GRIK1: variants seen among roughly 807,000 people sequenced by gnomAD.
GRIK1 encodes glutamate receptor ionotropic, kainate 1.
GRIK1 carries 69 observed loss-of-function variants against 105.7 expected under a neutral mutation model. That is an observed-to-expected ratio of 0.65 (90% CI 0.54 to 0.80). The LOEUF (loss-of-function observed/expected upper bound fraction) is 0.80. GRIK1 is among the 30% of genes least tolerant of loss of function. GRIK1 has a pLI of 0.00. For synonymous variants in GRIK1, 438 were observed against 431.3 expected (o/e 1.02, Z -0.19); for missense variants, 1,109 against 1,167.3 (o/e 0.95, Z 0.73).
intron 16 of GRIK1, among the ~76,000 whole-genome samples, chr21:29,554,827 T>C (rs771775745): frequency 6.6e-6 from 1 of 152,218 alleles, no homozygotes; most frequent in African/African-American, 2.4e-5. Context: ...ATAATGCTAA[T>C]TGGATTTAGT....
chr21:29,629,865 AT>A (rs1328952806), intron 7 of GRIK1, among the ~76,000 whole-genome samples: 1 of 152,186 alleles, frequency 6.6e-6, no homozygotes, highest in Non-Finnish European at 1.5e-5. Flanking sequence ...GAAATAATAA[AT>A]TGCCGAGGGG....
At chr21:29,564,302 T>G (rs1291255588) in intron 14 of GRIK1, among the ~76,000 whole-genome samples, 1 of 151,856 alleles carries the variant, frequency 6.6e-6, no homozygotes, top group Non-Finnish European at 1.5e-5. Flanking sequence ...CGCCCGCCAC[T>G]ACACCCGGCT....
intron 1 of GRIK1, among the ~76,000 whole-genome samples, chr21:29,817,307 T>A (rs2067180518): frequency 2.0e-5 from 3 of 151,978 alleles, no homozygotes; most frequent in Non-Finnish European, 2.9e-5. Context: ...GAGTGAAAAA[T>A]TATAGATATT....
intron 5 of GRIK1, 137 bp from the exon 6 acceptor site, chr21:29,651,428 T>C: frequency 1.7e-6 from 1 of 604,312 alleles, no homozygotes. Flanking sequence ...TGGTTTCAGT[T>C]ACCTGCGGTC....
In GRIK1 at chr21:29,904,746, G is replaced by A. The variant is rs79267934; in HGVS notation, c.118+34637C>T. On this transcript the variant is annotated intron_variant, in intron 1 of 17. Coordinates refer to ENST00000327783, the MANE Select transcript of GRIK1 (RefSeq NM_001330994.2). ...AGCTATGGAAAGCACCCTACCAAGG[G>A]CTGGAACCAGGAAGTGTTGACCTGA... is the stretch of plus-strand genomic sequence containing the variant. Among the ~76,000 whole-genome samples the A allele has an allele frequency of 1.3e-3, 193 of 152,276 alleles. 4 individuals carry two copies. The East Asian group carries it at 0.037, about 29-fold the overall frequency.
intron 1 of GRIK1, among the ~76,000 whole-genome samples, chr21:29,874,393 G>C (rs2069121533): frequency 6.6e-6 from 1 of 152,148 alleles, no homozygotes; most frequent in South Asian, 2.1e-4. Context: ...TGACTTCCTT[G>C]TTACCTAGGG....
chr21:29,724,711 A>G (rs1435752798), intron 1 of GRIK1, among the ~76,000 whole-genome samples: 1 of 152,198 alleles, frequency 6.6e-6, no homozygotes, highest in African/African-American at 2.4e-5. Flanking sequence ...AGTGGTGTGG[A>G]ACAATTTGAT....
chr21:29,778,230 A>T (rs79371042), intron 1 of GRIK1, among the ~76,000 whole-genome samples: 2 of 152,180 alleles, frequency 1.3e-5, no homozygotes, highest in Non-Finnish European at 2.9e-5. Flanking sequence ...TTTGTGTTAT[A>T]TGCTCTTAAT....
At chr21:29,773,449 C>T (rs1434812479) in intron 1 of GRIK1, among the ~76,000 whole-genome samples, 1 of 152,170 alleles carries the variant, frequency 6.6e-6, no homozygotes, top group Non-Finnish European at 1.5e-5. Context: ...TGCTTGTCTA[C>T]TGGAGCCATG....
intron 1 of GRIK1, among the ~76,000 whole-genome samples, chr21:29,876,959 A>G (rs564755677): frequency 1.3e-4 from 20 of 152,206 alleles, no homozygotes; most frequent in Non-Finnish European, 2.5e-4. Context: ...AAGGATGTAA[A>G]TAAAATGAGT....
At position 29,629,774 on chromosome 21, in the gene GRIK1, C is replaced by T. The variant is rs184726488; in HGVS notation, c.1098+13052G>A. ...AAAGTGCTGGGATTACAGGCGTGAG[C>T]CACCGCGCCTGGCCAATTTTCTCAC... On this transcript the variant is annotated intron_variant, in intron 7 of 17. Coordinates refer to ENST00000327783, the MANE Select transcript of GRIK1 (RefSeq NM_001330994.2). Among the ~76,000 whole-genome samples the T allele has an allele frequency of 2.6e-5, 4 of 152,264 alleles. No homozygotes were observed. In the East Asian group the frequency reaches 5.8e-4, roughly 22 times the overall value.
chr21:29,732,097 G>C (rs1251451063), intron 1 of GRIK1, among the ~76,000 whole-genome samples: 1 of 152,140 alleles, frequency 6.6e-6, no homozygotes, highest in Non-Finnish European at 1.5e-5. Flanking sequence ...CACTTTCCAT[G>C]AACTCTTTGA....
chr21:29,775,942 T>A (rs2065933067), intron 1 of GRIK1, among the ~76,000 whole-genome samples: 1 of 152,182 alleles, frequency 6.6e-6, no homozygotes, highest in Non-Finnish European at 1.5e-5. Flanking sequence ...AGGAAAGATG[T>A]TTAATTGACT....
chr21:29,608,521 C>G (rs1028830914), intron 7 of GRIK1, among the ~76,000 whole-genome samples: 1 of 151,984 alleles, frequency 6.6e-6, no homozygotes, highest in African/African-American at 2.4e-5. Context: ...TTTTTTCTGC[C>G]AAATACTGCA....
intron 9 of GRIK1, among the ~76,000 whole-genome samples, chr21:29,594,071 G>A (rs1015556810): frequency 1.3e-5 from 2 of 152,168 alleles, no homozygotes; most frequent in South Asian, 4.1e-4. Flanking sequence ...TAGACTAGAA[G>A]AGTATCAAAA....
chr21:29,571,065 A>T (rs2090735103), intron 14 of GRIK1, among the ~76,000 whole-genome samples: 1 of 152,154 alleles, frequency 6.6e-6, no homozygotes, highest in South Asian at 2.1e-4. Context: ...TGTTTAAAAA[A>T]TTTCCACTGG....
chr21:29,864,007 G>A (rs1163714580), intron 1 of GRIK1, among the ~76,000 whole-genome samples: 2 of 151,854 alleles, frequency 1.3e-5, no homozygotes, highest in Non-Finnish European at 2.9e-5. Flanking sequence ...CTGCCATATC[G>A]TGAAACCTCC....
intron 12 of GRIK1, among the ~76,000 whole-genome samples, chr21:29,582,137 T>G (rs956784677): frequency 2.6e-5 from 4 of 152,178 alleles, no homozygotes; most frequent in African/African-American, 9.7e-5. Flanking sequence ...TATTAGATGT[T>G]TTTCGAATAG....
At chr21:29,726,745 A>G (rs1054096269) in intron 1 of GRIK1, among the ~76,000 whole-genome samples, 3 of 151,806 alleles carry the variant, frequency 2.0e-5, no homozygotes, top group Admixed American at 6.6e-5. Context: ...ATGTACAAAC[A>G]TTTAAATTAT....
Sources: allele counts gnomAD v4.1 joint callset (sites outside exome capture counted in the v4.1 genomes callset), GRCh38; gene constraint gnomAD v4.1.1; transcripts MANE v1.5; gene names NCBI Gene and HGNC (gene_info 2026-07-23, HGNC 2026-07-21).